The following SPATA20 variants were observed in gnomAD, a reference collection of about 807,000 sequenced individuals.
SPATA20 encodes spermatogenesis-associated protein 20.
SPATA20 carries 74 observed loss-of-function variants against 98.9 expected under a neutral mutation model. The ratio of observed to expected loss-of-function variants is 0.75; its 90% CI spans 0.62 to 0.91. SPATA20 has a LOEUF of 0.91. Among genes scored for constraint, SPATA20 ranks in the 40% least tolerant of loss-of-function variants. SPATA20 has a pLI of 0.00. For synonymous variants in SPATA20, 430 were observed against 440.5 expected, an observed-to-expected ratio of 0.98 and a Z score of 0.30; for missense variants, 1,016 against 1,069.8, an observed-to-expected ratio of 0.95 and a Z score of 0.70.
At chr17:50,551,912 G>A (rs2144064589) in intron 13 of SPATA20, 57 bp from the exon 14 acceptor site, 1 of 1,462,936 alleles carries the variant, frequency 6.8e-7, no homozygotes, top group Non-Finnish European at 9.3e-7. Context: ...CCTCCTCTGG[G>A]AAAGGCCCTC....
rs376110651 is a variant in SPATA20, at chr17:50,552,084, G to T, written c.1861G>T (p.Asp621Tyr). 12 of 1,613,718 alleles carry T rather than the reference G, an allele frequency of 7.4e-6. 1 individual carries two copies. Among genetic ancestry groups the T allele is most frequent in the South Asian group, 3.3e-5 (3 of 91,086 alleles). ...AWLEWALRLQ[D>Y]TQDKLFWDSQ... ...GCTCGAGTGGGCTCTGCGGCTGCAGGACACACAGGACAAGCTCTTTTGGGA... is the reference window on the plus strand; with the variant it reads ...GCTCGAGTGGGCTCTGCGGCTGCAGTACACACAGGACAAGCTCTTTTGGGA... The change falls in exon 14 of 17, where the codon GAC (aspartate) becomes TAC (tyrosine). Residue 621 changes from aspartate to tyrosine, a missense_variant. Physicochemically the swap from Asp to Tyr is radical, Grantham distance 160. Transcript: ENST00000006658.
In SPATA20 at chr17:50,549,246, C is replaced by G. The variant is rs750375966; in HGVS notation, c.661-40C>G. 1.9e-6 allele frequency: 3 copies of G among 1,601,028 alleles called. No individual in the cohort carries two copies. In the African/African-American group the frequency reaches 4.0e-5, roughly 21 times the overall value. ...GGGGGACTAGGAAACAAGAGCCCCT[C>G]CCCCTAGCTGACCTCCAGGTGTGCC... On this transcript the variant is annotated intron_variant, in intron 6 of 16. Transcript: ENST00000006658.
chr17:50,552,177 G>A lies in SPATA20; in HGVS notation c.1954G>A (p.Asp652Asn). 4 of 1,613,488 alleles carry A rather than the reference G, an allele frequency of 2.5e-6. No homozygotes were observed. Residue 652 changes from aspartate to asparagine, a missense_variant, in exon 14 of 17, where the codon GAC (aspartate) becomes AAC (asparagine). Asp to Asn is a conservative substitution (Grantham distance 23, BLOSUM62 1). Transcript: ENST00000006658. ...GGCTGGCCTGCCCCTGCGTCTGAAG[G>A]ACGGTCAGTGGGGGTGCAGGGCTAG... is the stretch of plus-strand genomic sequence containing the variant. The part of the protein sequence containing the change: ...LGAGLPLRLK[D>N]DQDGAEPSAN...
chr17:50,548,396 G>T lies in SPATA20; in HGVS notation c.239G>T (p.Arg80Leu). The change falls in exon 3 of 17, where the codon CGC (arginine) becomes CTC (leucine). Residue 80 changes from arginine (R) to leucine (L), a missense_variant. Transcript: ENST00000006658. ...TCTACACCCCAGAGGGTCCCCAACC[G>T]CCTGATCCACGAGAAGTCACCATAC... ...PSSTPQRVPNRLIHEKSPYLL... is the reference protein window; with the variant it reads ...PSSTPQRVPNLLIHEKSPYLL... 1 of 1,613,988 alleles carries T rather than the reference G, an allele frequency of 6.2e-7. No homozygotes were observed. The highest frequency in any genetic ancestry group is 8.5e-7 in the Non-Finnish European group (1 of 1,179,970).
At position 50,551,538 on chromosome 17, in the gene SPATA20, C is replaced by A; in HGVS notation, c.1604C>A (p.Thr535Asn). ...TTGATGGTGTCAGGCTATGCTGTGA[C>A]TGGGGCTGTCCTGGGCCAAGACAGG... ...NGLMVSGYAV[T>N]GAVLGQDRLI... Residue 535 changes from threonine to asparagine, a missense_variant, in exon 13 of 17, where the codon ACT becomes AAT. Transcript: ENST00000006658. The A allele has an allele frequency of 6.3e-7, 1 of 1,598,814 alleles. No homozygotes were observed. Among genetic ancestry groups the A allele is most frequent in the Non-Finnish European group, 8.6e-7 (1 of 1,167,272 alleles).
chr17:50,551,529 A>G lies in SPATA20; in HGVS notation c.1595A>G (p.Tyr532Cys), dbSNP rs757437869. Residue 532 changes from tyrosine (Y) to cysteine (C), a missense_variant, in exon 13 of 17, where the codon TAT becomes TGT. Physicochemically the swap from Tyr to Cys is radical, Grantham distance 194. Coordinates refer to ENST00000006658, the MANE Select transcript of SPATA20 (RefSeq NM_022827.4). The part of the protein sequence containing the change: ...AAWNGLMVSG[Y>C]AVTGAVLGQD... The stretch of plus-strand genomic sequence containing the variant: ...GCTCCAGGCTTGATGGTGTCAGGCT[A>G]TGCTGTGACTGGGGCTGTCCTGGGC... 14 of 1,597,366 alleles carry G rather than the reference A, an allele frequency of 8.8e-6. No individual in the cohort carries two copies. The highest frequency in any genetic ancestry group is 2.3e-5 in the East Asian group (1 of 44,346).
rs763046536 is a variant in SPATA20 at position 50,555,561 on chromosome 17, C to T, written c.2308C>T (p.Arg770Ter). 1.2e-5 allele frequency: 20 copies of T among 1,613,926 alleles called. No individual in the cohort carries two copies. Among genetic ancestry groups the T allele is most frequent in the Admixed American group, 3.3e-5 (2 of 59,992 alleles). ...SRQLPFLSTLRRLEDQATAYV... is the reference protein window; with the variant it reads ...SRQLPFLSTL ...CCAGCTGCCTTTCCTGAGTACCCTC[C>T]GACGGTTGGAAGACCAGGCCACTGC... The change falls in exon 17 of 17, where the codon CGA (arginine) becomes TGA (stop). Residue 770 changes from arginine (R) to a stop codon, truncating the protein, a stop_gained. Coordinates refer to ENST00000006658, the MANE Select transcript of SPATA20 (RefSeq NM_022827.4). LOFTEE classifies it high-confidence loss of function.
chr17:50,548,782 C>G, intron 4 of SPATA20, 28 bp from the exon 5 acceptor site: 2 of 1,602,826 alleles, frequency 1.2e-6, no homozygotes, highest in African/African-American at 1.3e-5. Context: ...TTGCTGGCCC[C>G]CTGACCTCTC....
chr17:50,554,618 C>T (rs1185273871), intron 15 of SPATA20, among the ~76,000 whole-genome samples, 168 bp downstream of exon 15: 2 of 152,010 alleles, frequency 1.3e-5, no homozygotes, highest in African/African-American at 2.4e-5. Flanking sequence ...AATATGAGTC[C>T]GTGGTGGCTG....
intron 13 of SPATA20, 131 bp from the exon 14 acceptor site, chr17:50,551,838 G>T: frequency 8.4e-7 from 1 of 1,189,122 alleles, no homozygotes; most frequent in Non-Finnish European, 1.2e-6. Flanking sequence ...TCTGGGAAGT[G>T]GGCTGATGGC....
At position 50,547,361 on chromosome 17, in the gene SPATA20, C is replaced by T. The variant is rs544197511; in HGVS notation, c.77+76C>T. 58 of 1,267,534 alleles carry T rather than the reference C, an allele frequency of 4.6e-5. No homozygotes were observed. In the South Asian group the frequency reaches 8.1e-4, roughly 18 times the overall value. The allele number at this position is 1,267,534 out of a possible 1,614,324, so 78.5% of individuals were successfully genotyped here. ...GCCCAGTGGAGGGTCTTCCGGACAC[C>T]GGTCCCCAGTGCCAGTCTGGACCAC... On this transcript the variant is annotated intron_variant, in intron 1 of 16. Transcript: ENST00000006658.
chr17:50,548,079 C>T (rs1256188440), intron 2 of SPATA20: 8 of 1,502,550 alleles, frequency 5.3e-6, no homozygotes, highest in Admixed American at 2.2e-5. Context: ...TGGCAAGGAG[C>T]CCCCAATGAG....
intron 16 of SPATA20, 72 bp from the exon 17 acceptor site, chr17:50,555,420 C>G: frequency 1.2e-6 from 2 of 1,603,490 alleles, no homozygotes; most frequent in East Asian, 2.2e-5. Flanking sequence ...AGGGAACTTC[C>G]CAGTGGGCCT....
At position 50,551,628 on chromosome 17, in the gene SPATA20, GC is replaced by G. The variant is rs2035017350; in HGVS notation, c.1696del (p.Arg566AlafsTer2). ...LKRHMFDVAS[G>X]RLMRTCYTGP... is the part of the protein sequence containing the mutation. Reference sequence around the variant, plus strand: ...CGGCACATGTTTGATGTGGCCAGTGGCCGCCTGATGCGGACCTGCTACACCG... The same window carrying G: ...CGGCACATGTTTGATGTGGCCAGTGGCGCCTGATGCGGACCTGCTACACCG... On this transcript the variant is annotated frameshift_variant, in exon 13 of 17. Coordinates refer to ENST00000006658, the MANE Select transcript of SPATA20 (RefSeq NM_022827.4). LOFTEE classifies it high-confidence loss of function. The G allele has an allele frequency of 1.2e-6, 2 of 1,602,882 alleles. No homozygotes were observed. Among genetic ancestry groups the G allele is most frequent in the Middle Eastern group, 3.3e-4 (2 of 6,022 alleles).
At position 50,549,982 on chromosome 17, in the gene SPATA20, C is replaced by T. The variant is rs2144058440; in HGVS notation, c.863-3C>T. On this transcript the variant is annotated splice_polypyrimidine_tract_variant and splice_region_variant and intron_variant, in intron 7 of 16. Coordinates refer to ENST00000006658, the MANE Select transcript of SPATA20 (RefSeq NM_022827.4). ...CACCTGCATGTTCTTGGTGCCCCCA[C>T]AGTGATCCTGAGCTTCCTGTTCTCC... The T allele has an allele frequency of 6.5e-7, 1 of 1,540,910 alleles. No individual in the cohort carries two copies. Among genetic ancestry groups the T allele is most frequent in the Non-Finnish European group, 8.8e-7 (1 of 1,138,510 alleles).
At chr17:50,549,013 C>T (rs2034962954) in intron 5 of SPATA20, 30 bp from the exon 6 acceptor site, 1 of 1,613,922 alleles carries the variant, frequency 6.2e-7, no homozygotes. Flanking sequence ...CTCAGAGCAG[C>T]TCCCCTCACC....
chr17:50,555,532 C>A lies in SPATA20; in HGVS notation c.2279C>A (p.Ser760Tyr). ...GATGGGGACCCCTCGAGCTTCCTGT[C>A]CCGCCAGCTGCCTTTCCTGAGTACC... ...LADGDPSSFLSRQLPFLSTLR... is the reference protein window; with the variant it reads ...LADGDPSSFLYRQLPFLSTLR... The change falls in exon 17 of 17, where the codon TCC (serine) becomes TAC (tyrosine). Residue 760 changes from serine (S) to tyrosine (Y), a missense_variant. Transcript: ENST00000006658. 1 of 1,614,038 alleles carries A rather than the reference C, an allele frequency of 6.2e-7. No individual in the cohort carries two copies. The highest frequency in any genetic ancestry group is 8.5e-7 in the Non-Finnish European group (1 of 1,179,988).
At position 50,548,301 on chromosome 17, in the gene SPATA20, C is replaced by G; in HGVS notation, c.144C>G (p.Asp48Glu). The change falls in exon 3 of 17, where the codon GAC becomes GAG. Residue 48 changes from aspartate to glutamate, a missense_variant. By Grantham distance (45) the Asp-to-Glu change is conservative. Coordinates refer to ENST00000006658, the MANE Select transcript of SPATA20 (RefSeq NM_022827.4). ...TCGCCAGGGGTAGCTCCTCCCGGGA[C>G]AAGGACCGAAGTGCGACGGTCAGTA... ...RSPSRGSSSR[D>E]KDRSATVSSS... The G allele has an allele frequency of 6.2e-7, 1 of 1,613,610 alleles. No homozygotes were observed. Among genetic ancestry groups the G allele is most frequent in the Non-Finnish European group, 8.5e-7 (1 of 1,179,868 alleles).
chr17:50,550,886 T>A lies in SPATA20; in HGVS notation c.1352T>A (p.Leu451His). Residue 451 changes from leucine (L) to histidine (H), a missense_variant, in exon 11 of 17, where the codon CTC (leucine) becomes CAC (histidine). Coordinates refer to ENST00000006658, the MANE Select transcript of SPATA20 (RefSeq NM_022827.4). ...SGQLLMKHYG[L>H]TEAGNISPSQ... ...CAGCTCCTCATGAAGCACTACGGCC[T>A]CACAGAGGCTGGTAACATCAGCCCC... is the stretch of plus-strand genomic sequence containing the variant. 6.2e-7 allele frequency: 1 copy of A among 1,613,106 alleles called. No individual in the cohort carries two copies. The highest frequency in any genetic ancestry group is 8.5e-7 in the Non-Finnish European group (1 of 1,180,016).
Sources: allele counts gnomAD v4.1 joint callset (sites outside exome capture counted in the v4.1 genomes callset), GRCh38; gene constraint gnomAD v4.1.1; transcripts MANE v1.5; gene names NCBI Gene and HGNC (gene_info 2026-07-23, HGNC 2026-07-21).